Variants in EFHC1 observed in about 807,000 individuals in gnomAD.
EFHC1 encodes EF-hand domain containing 1.
EFHC1 carries 53 observed loss-of-function variants against 69.9 expected under a neutral mutation model. That is an observed-to-expected ratio of 0.76 (90% CI 0.61 to 0.95). EFHC1 has a LOEUF of 0.95. EFHC1 is among the 40% of genes least tolerant of loss of function. EFHC1 has a pLI of 0.00. For synonymous variants in EFHC1, 256 were observed against 278.4 expected, an observed-to-expected ratio of 0.92 and a Z score of 0.80; for missense variants, 739 against 798.7, an observed-to-expected ratio of 0.93 and a Z score of 0.90.
intron 7 of EFHC1, among the ~76,000 whole-genome samples, chr6:52,478,301 G>A (rs564014598): frequency 1.3e-5 from 2 of 152,166 alleles, no homozygotes; most frequent in South Asian, 2.1e-4. Context: ...GGGAGGGATA[G>A]CATTGGGAGA....
intron 7 of EFHC1, among the ~76,000 whole-genome samples, chr6:52,476,596 GACATC>G (rs926596306): frequency 2.0e-5 from 3 of 152,128 alleles, no homozygotes; most frequent in African/African-American, 7.2e-5. Context: ...AAGATATATT[GACATC>G]ATAAACTCCC....
chr6:52,439,197 C>T (rs534626434), intron 3 of EFHC1, among the ~76,000 whole-genome samples: 4 of 152,196 alleles, frequency 2.6e-5, no homozygotes, highest in African/African-American at 4.8e-5. Flanking sequence ...TATAGGTGGC[C>T]TTTCTTTACT....
chr6:52,452,661 G>T (rs1487168204), intron 3 of EFHC1, 27 bp from the exon 4 acceptor site: 1 of 1,612,516 alleles, frequency 6.2e-7, no homozygotes, highest in Middle Eastern at 1.7e-4. Flanking sequence ...CAAGAAAGAT[G>T]ATCATTGTTA....
At chr6:52,463,118 C>T (rs1278671366) in intron 5 of EFHC1, among the ~76,000 whole-genome samples, 2 of 151,658 alleles carry the variant, frequency 1.3e-5, no homozygotes, top group African/African-American at 2.4e-5. Flanking sequence ...AGCTCCGCCT[C>T]CCGGGTTCAC....
rs776277918 is a variant in EFHC1, at chr6:52,479,067, A to G, written c.1309A>G (p.Arg437Gly). Residue 437 changes from arginine (R) to glycine (G), a missense_variant, in exon 8 of 11, where the codon AGA becomes GGA. By Grantham distance (125) the Arg-to-Gly change is moderately radical. Transcript: ENST00000371068. ...CCCCATCCCAGAAGACAAAGACCGCAGATTTGTCTTCTCTTACTTTCTAGC... is the reference window on the plus strand; with the variant it reads ...CCCCATCCCAGAAGACAAAGACCGCGGATTTGTCTTCTCTTACTTTCTAGC... ...ESPIPEDKDR[R>G]FVFSYFLATD... 1.9e-6 allele frequency: 3 copies of G among 1,614,054 alleles called. No individual in the cohort carries two copies. The highest frequency in any genetic ancestry group is 2.5e-6 in the Non-Finnish European group (3 of 1,179,986).
At chr6:52,467,430 C>T (rs890470159) in intron 6 of EFHC1, among the ~76,000 whole-genome samples, 1 of 152,158 alleles carries the variant, frequency 6.6e-6, no homozygotes, top group African/African-American at 2.4e-5. Flanking sequence ...ATCCACCCAC[C>T]TTGGCCTCCC....
At chr6:52,433,225 G>A (rs1295037088) in intron 2 of EFHC1, among the ~76,000 whole-genome samples, 12 of 152,094 alleles carry the variant, frequency 7.9e-5, no homozygotes, top group Middle Eastern at 3.2e-3. Context: ...GTGAGCTAGT[G>A]TGATTTTTGG....
At position 52,492,261 on chromosome 6, in the gene EFHC1, T is replaced by C. The variant is rs767101719; in HGVS notation, c.1852-9T>C. ...TCTGTCTCACCTATTCTCTTTGCTC[T>C]CTCTGCAGTTAATCAGGATGTGCTC... is the stretch of plus-strand genomic sequence containing the variant. On this transcript the variant is annotated splice_polypyrimidine_tract_variant and intron_variant, in intron 10 of 10. Coordinates refer to ENST00000371068, the MANE Select transcript of EFHC1 (RefSeq NM_018100.4). 6.2e-7 allele frequency: 1 copy of C among 1,613,374 alleles called. No individual in the cohort carries two copies.
intron 5 of EFHC1, among the ~76,000 whole-genome samples, chr6:52,457,675 C>A (rs1301201348): frequency 6.6e-6 from 1 of 152,132 alleles, no homozygotes; most frequent in Non-Finnish European, 1.5e-5. Context: ...AACAGGACAT[C>A]TTTTGACTTA....
chr6:52,435,481 A>G (rs1358034827), intron 2 of EFHC1, among the ~76,000 whole-genome samples: 2 of 152,126 alleles, frequency 1.3e-5, no homozygotes, highest in Non-Finnish European at 2.9e-5. Context: ...GCCATACCCA[A>G]ATTATCTTCT....
Position 52,438,293 on chromosome 6 carries a change from G to T in EFHC1, c.286-11G>T, listed in dbSNP as rs746041006. The T allele has an allele frequency of 1.2e-6, 2 of 1,610,284 alleles. No individual in the cohort carries two copies. The highest frequency in any genetic ancestry group is 8.5e-7 in the Non-Finnish European group (1 of 1,178,152). On this transcript the variant is annotated splice_polypyrimidine_tract_variant and intron_variant, in intron 2 of 10. Transcript: ENST00000371068. ...ATAGTACACCATTTCTCCTTTCCTT[G>T]TATGTTATAGGTACTGAAATTTGAT...
In EFHC1 at chr6:52,497,194, C is replaced by G. The variant is rs910599838; in HGVS notation, c.*4853C>G. 2.0e-5 allele frequency: 3 copies of G among 152,234 alleles called. No individual in the cohort carries two copies. The highest frequency in any genetic ancestry group is 4.4e-5 in the Non-Finnish European group (3 of 68,038). The allele number at this position is 152,234 out of a possible 1,614,324, so 9.4% of individuals were successfully genotyped here. ...AAATGATGCTTATTGCTATCCAGCACTTGACATAACTGACTCTCCATCCTT... is the reference window on the plus strand; with the variant it reads ...AAATGATGCTTATTGCTATCCAGCAGTTGACATAACTGACTCTCCATCCTT... On this transcript the variant is annotated 3_prime_UTR_variant, in exon 11 of 11. Transcript: ENST00000371068.
At position 52,494,853 on chromosome 6, in the gene EFHC1, C is replaced by CT. The variant is rs1266095206; in HGVS notation, c.*2512_*2513insT. ...TAGGATAATGGCCTCCAGCTGCATC[C>CT]ATGTTGCTGCAGAATACATGATTTC... On this transcript the variant is annotated 3_prime_UTR_variant, in exon 11 of 11. Transcript: ENST00000371068. 1 of 451,954 alleles carries CT rather than the reference C, an allele frequency of 2.2e-6. No individual in the cohort carries two copies. The highest frequency in any genetic ancestry group is 2.0e-5 in the African/African-American group (1 of 50,074). 28.0% of individuals were successfully genotyped at this position (451,954 alleles called of 1,614,324 possible). A position where few individuals can be genotyped will look rare whatever the true frequency, so the allele number is the denominator to read the frequency against.
In EFHC1 at chr6:52,453,237, G is replaced by A. The variant is rs1764958494; in HGVS notation, c.723+400G>A. 4 of 1,290,612 alleles carry A rather than the reference G, an allele frequency of 3.1e-6. No homozygotes were observed. In the African/African-American group the frequency reaches 4.5e-5, roughly 15 times the overall value. The allele number at this position is 1,290,612 out of a possible 1,614,324, so 79.9% of individuals were successfully genotyped here. On this transcript the variant is annotated intron_variant, in intron 4 of 10. Coordinates refer to ENST00000371068, the MANE Select transcript of EFHC1 (RefSeq NM_018100.4). Reference sequence around the variant, plus strand: ...AATTTCACAAATATGCATACATGTAGGTTGTAATGTTAAAATGTTTAATTT... The same window carrying A: ...AATTTCACAAATATGCATACATGTAAGTTGTAATGTTAAAATGTTTAATTT...
At chr6:52,420,594 C>T in intron 1 of EFHC1, 121 bp downstream of exon 1, 1 of 1,219,830 alleles carries the variant, frequency 8.2e-7, no homozygotes, top group Non-Finnish European at 1.2e-6. Context: ...AACACGTCTT[C>T]TGTCCTGACC....
At chr6:52,448,406 C>A (rs1417027615) in intron 3 of EFHC1, among the ~76,000 whole-genome samples, 1 of 152,204 alleles carries the variant, frequency 6.6e-6, no homozygotes, top group Non-Finnish European at 1.5e-5. Context: ...GTGCCATTTG[C>A]TAAGGCCATT....
At position 52,493,365 on chromosome 6, in the gene EFHC1, CATATATAT is replaced by C. The variant is rs59794069; in HGVS notation, c.*1037_*1044del. 5.3e-4 allele frequency: 90 copies of C among 168,598 alleles called. 10 individuals are homozygous for C. Among genetic ancestry groups the C allele is most frequent in the Non-Finnish European group, 9.2e-4 (81 of 88,184 alleles). 10.4% of individuals were successfully genotyped at this position (168,598 alleles called of 1,614,324 possible). A position where few individuals can be genotyped will look rare whatever the true frequency, so the allele number is the denominator to read the frequency against. ...ATAACTCTCTCTTTCTCTCTCTCTA[CATATATAT>C]ATATATATATATTTTATATGTACAC... On this transcript the variant is annotated 3_prime_UTR_variant, in exon 11 of 11. Coordinates refer to ENST00000371068, the MANE Select transcript of EFHC1 (RefSeq NM_018100.4).
rs749578871 is a variant in EFHC1 at position 52,424,124 on chromosome 6, C to T, written c.242C>T (p.Pro81Leu). The change falls in exon 2 of 11, where the codon CCA (proline) becomes CTA (leucine). Residue 81 changes from proline (P) to leucine (L), a missense_variant. Coordinates refer to ENST00000371068, the MANE Select transcript of EFHC1 (RefSeq NM_018100.4). ...VLTYGQPKQA[P>L]PADFIPAHVA... Reference sequence around the variant, plus strand: ...ACTTATGGCCAACCTAAACAAGCCCCACCTGCGGATTTTATTCCTGCGCAT... The same window carrying T: ...ACTTATGGCCAACCTAAACAAGCCCTACCTGCGGATTTTATTCCTGCGCAT... The T allele has an allele frequency of 2.5e-6, 4 of 1,614,142 alleles. No individual in the cohort carries two copies. The highest frequency in any genetic ancestry group is 2.2e-5 in the South Asian group (2 of 91,086).
chr6:52,465,012 A>G lies in EFHC1; in HGVS notation c.1034A>G (p.Tyr345Cys). The G allele has an allele frequency of 6.2e-7, 1 of 1,614,192 alleles. No homozygotes were observed. ...ATCCTTGGGAGAACTTTCTTCATTTATGATTGTGATCCATTTACTCGACGG... is the reference window on the plus strand; with the variant it reads ...ATCCTTGGGAGAACTTTCTTCATTTGTGATTGTGATCCATTTACTCGACGG... ...LTILGRTFFI[Y>C]DCDPFTRRYY... Residue 345 changes from tyrosine (Y) to cysteine (C), a missense_variant, in exon 6 of 11, where the codon TAT (tyrosine) becomes TGT (cysteine). Coordinates refer to ENST00000371068, the MANE Select transcript of EFHC1 (RefSeq NM_018100.4).
Sources: gnomAD v4.1 joint callset for allele counts (sites outside exome capture counted in the v4.1 genomes callset) on GRCh38, gnomAD v4.1.1 for gene constraint, MANE v1.5 for transcripts, NCBI Gene and HGNC (gene_info 2026-07-23, HGNC 2026-07-21) for gene names.